The following NECAB1 variants were observed in gnomAD, a reference collection of about 807,000 sequenced individuals.
The protein encoded by NECAB1 is N-terminal EF-hand calcium-binding protein 1.
A neutral mutation model predicts 57.5 loss-of-function variants in NECAB1; 29 were observed. The ratio of observed to expected loss-of-function variants is 0.50; its 90% CI spans 0.38 to 0.69. NECAB1 has a LOEUF of 0.69. Ranked by LOEUF, NECAB1 falls within the 30% of genes least tolerant of loss-of-function variation. The pLI is 0.00. For synonymous variants in NECAB1, 142 were observed against 147.7 expected, an observed-to-expected ratio of 0.96 and a Z score of 0.28; for missense variants, 372 against 413.8, an observed-to-expected ratio of 0.90 and a Z score of 0.88.
At chr8:90,871,374 T>C (rs565804668) in intron 3 of NECAB1, among the ~76,000 whole-genome samples, 1 of 152,296 alleles carries the variant, frequency 6.6e-6, no homozygotes, top group Admixed American at 6.5e-5. Context: ...TATTACCTGA[T>C]ATTGAACCAT....
intron 8 of NECAB1, among the ~76,000 whole-genome samples, 199 bp from the exon 9 acceptor site, chr8:90,934,105 T>C (rs1810473789): frequency 6.6e-6 from 1 of 152,192 alleles, no homozygotes; most frequent in African/African-American, 2.4e-5. Context: ...TAAAACAGCT[T>C]CTTACAATTG....
At chr8:90,902,177 T>G (rs951444792) in intron 5 of NECAB1, among the ~76,000 whole-genome samples, 7 of 152,194 alleles carry the variant, frequency 4.6e-5, no homozygotes, top group Non-Finnish European at 8.8e-5. Flanking sequence ...CCCAGCACTT[T>G]GGGAGGCCGA....
intron 3 of NECAB1, among the ~76,000 whole-genome samples, chr8:90,843,325 G>A (rs6993462): frequency 0.46 from 70,534 of 152,006 alleles, 19,645 homozygotes; most frequent in East Asian, 0.77. Flanking sequence ...TTGGTTGAAT[G>A]AGTGTATAAT....
chr8:90,877,762 G>A (rs980227149), intron 4 of NECAB1, among the ~76,000 whole-genome samples: 2 of 152,186 alleles, frequency 1.3e-5, no homozygotes, highest in African/African-American at 4.8e-5. Context: ...GGCAAGGACT[G>A]TTTCCAACAC....
intron 2 of NECAB1, among the ~76,000 whole-genome samples, chr8:90,817,399 A>G (rs1407632206): frequency 6.6e-6 from 1 of 151,672 alleles, no homozygotes; most frequent in African/African-American, 2.4e-5. Flanking sequence ...TTTCTTCTCA[A>G]TCTTAAGGAA....
At chr8:90,920,269 A>C (rs1810074071) in intron 6 of NECAB1, among the ~76,000 whole-genome samples, 1 of 152,190 alleles carries the variant, frequency 6.6e-6, no homozygotes, top group Non-Finnish European at 1.5e-5. Flanking sequence ...AAATGCATAA[A>C]CAAGCAAACA....
intron 5 of NECAB1, among the ~76,000 whole-genome samples, chr8:90,881,902 A>G (rs1430370526): frequency 6.6e-6 from 1 of 152,230 alleles, no homozygotes; most frequent in African/African-American, 2.4e-5. Context: ...GTAGAGCTGG[A>G]CAAAGGAGAC....
At chr8:90,812,174 T>A (rs1811970931) in intron 2 of NECAB1, among the ~76,000 whole-genome samples, 1 of 152,228 alleles carries the variant, frequency 6.6e-6, no homozygotes, top group African/African-American at 2.4e-5. Flanking sequence ...GCGATTCGAT[T>A]ATGTACTGTA....
chr8:90,870,329 G>A (rs929288446), intron 3 of NECAB1, among the ~76,000 whole-genome samples: 1 of 152,194 alleles, frequency 6.6e-6, no homozygotes, highest in Admixed American at 6.5e-5. Context: ...ATATGACCAT[G>A]TTATTCACCA....
intron 5 of NECAB1, among the ~76,000 whole-genome samples, chr8:90,884,559 G>A (rs1239611158): frequency 6.6e-6 from 1 of 151,958 alleles, no homozygotes; most frequent in Non-Finnish European, 1.5e-5. Flanking sequence ...TACCATATGT[G>A]GCATAGTAAA....
intron 3 of NECAB1, among the ~76,000 whole-genome samples, chr8:90,863,591 A>G (rs947999071): frequency 3.9e-5 from 6 of 152,178 alleles, no homozygotes; most frequent in Non-Finnish European, 5.9e-5. Context: ...CTTATTAGCA[A>G]AAACAATTTA....
Position 90,957,169 on chromosome 8 carries a change from A to T in NECAB1, c.*1657A>T, listed in dbSNP as rs1374415488. 1 of 152,042 alleles carries T rather than the reference A, an allele frequency of 6.6e-6. No homozygotes were observed. The highest frequency in any genetic ancestry group is 1.5e-5 in the Non-Finnish European group (1 of 67,948). The allele number at this position is 152,042 out of a possible 1,614,324, so 9.4% of individuals were successfully genotyped here. A position where few individuals can be genotyped will look rare whatever the true frequency, so the allele number is the denominator to read the frequency against. On this transcript the variant is annotated 3_prime_UTR_variant, in exon 13 of 13. Transcript: ENST00000417640. Reference sequence around the variant, plus strand: ...ATAACAGTCTCTGCAGACTGATTGTATATAGTAAGAAAAGATCAAAAGACT... The same window carrying T: ...ATAACAGTCTCTGCAGACTGATTGTTTATAGTAAGAAAAGATCAAAAGACT...
At chr8:90,936,919 G>C (rs111748166) in intron 9 of NECAB1, among the ~76,000 whole-genome samples, 1 of 151,878 alleles carries the variant, frequency 6.6e-6, no homozygotes, top group African/African-American at 2.4e-5. Flanking sequence ...TGTGATATAA[G>C]TACCACTATT....
At chr8:90,802,858 A>T (rs1426191343) in intron 2 of NECAB1, among the ~76,000 whole-genome samples, 1 of 151,984 alleles carries the variant, frequency 6.6e-6, no homozygotes, top group Non-Finnish European at 1.5e-5. Flanking sequence ...GAAGCATTTC[A>T]CTATTTTGTT....
chr8:90,847,068 C>T (rs1346563999), intron 3 of NECAB1, among the ~76,000 whole-genome samples: 2 of 152,172 alleles, frequency 1.3e-5, no homozygotes, highest in African/African-American at 2.4e-5. Flanking sequence ...AGCTCAAGTC[C>T]AAAGTCTCAT....
rs529536856 is a variant in NECAB1 at position 90,794,212 on chromosome 8, A to G, written c.99+2227A>G. Among the ~76,000 whole-genome samples the G allele has an allele frequency of 6.6e-5, 10 of 152,348 alleles. No homozygotes were observed. The East Asian group carries it at 1.9e-3, about 29-fold the overall frequency. ...TAACACTGGTGAAATATGTGATATG[A>G]AAAATGATTTGTTACTTAGGGATTT... On this transcript the variant is annotated intron_variant, in intron 1 of 12. Transcript: ENST00000417640.
At chr8:90,885,930 A>G (rs1192188582) in intron 5 of NECAB1, among the ~76,000 whole-genome samples, 1 of 152,218 alleles carries the variant, frequency 6.6e-6, no homozygotes, top group East Asian at 1.9e-4. Flanking sequence ...TCCAGAGCTC[A>G]GTGTAATATG....
At chr8:90,954,669 T>G (rs889513728) in intron 12 of NECAB1, among the ~76,000 whole-genome samples, 4 of 151,784 alleles carry the variant, frequency 2.6e-5, no homozygotes, top group African/African-American at 9.7e-5. Flanking sequence ...TTTATAATTT[T>G]AACATACAGA....
At chr8:90,797,150 T>A (rs959166819) in intron 1 of NECAB1, among the ~76,000 whole-genome samples, 2 of 152,190 alleles carry the variant, frequency 1.3e-5, no homozygotes, top group African/African-American at 4.8e-5. Context: ...CAAAATCCCC[T>A]CTAGCAATTA....
Sources: gnomAD v4.1 joint callset for allele counts (sites outside exome capture counted in the v4.1 genomes callset) on GRCh38, gnomAD v4.1.1 for gene constraint, MANE v1.5 for transcripts, NCBI Gene and HGNC (gene_info 2026-07-23, HGNC 2026-07-21) for gene names.